Variants in SYNE1 observed in about 807,000 individuals in gnomAD.
SYNE1 encodes spectrin repeat containing nuclear envelope protein 1, also known as nesprin-1.
A neutral mutation model predicts 1,111.0 loss-of-function variants in SYNE1; 616 were observed. That is an observed-to-expected ratio of 0.55 (90% CI 0.52 to 0.59). SYNE1 has a LOEUF of 0.59. Ranked by LOEUF, SYNE1 falls within the 20% of genes least tolerant of loss-of-function variation. The pLI is 0.00. For missense variants in SYNE1, 10,006 were observed against 10,417.0 expected, an observed-to-expected ratio of 0.96 and a Z score of 1.72; for synonymous variants, 3,855 against 3,825.8, an observed-to-expected ratio of 1.01 and a Z score of -0.28.
intron 73 of SYNE1, among the ~76,000 whole-genome samples, chr6:152,346,713 A>G (rs547640099): frequency 5.8e-4 from 87 of 150,164 alleles, no homozygotes; most frequent in South Asian, 1.3e-3. Flanking sequence ...GGGAGGCTGA[A>G]GTAGGAGAAT....
chr6:152,317,907 G>A (rs1281542246), intron 86 of SYNE1, among the ~76,000 whole-genome samples, 174 bp downstream of exon 86: 1 of 152,090 alleles, frequency 6.6e-6, no homozygotes, highest in African/African-American at 2.4e-5. Context: ...AGTAAGTGCT[G>A]GTTTATACCT....
At chr6:152,324,964 T>C (rs1193057276) in intron 81 of SYNE1, 120 bp downstream of exon 81, 1 of 1,219,844 alleles carries the variant, frequency 8.2e-7, no homozygotes, top group Non-Finnish European at 1.2e-6. Context: ...CTGAAACAGA[T>C]TTTAAAAAGC....
intron 122 of SYNE1, among the ~76,000 whole-genome samples, chr6:152,214,124 C>G (rs894153710): frequency 1.2e-4 from 18 of 150,866 alleles, no homozygotes; most frequent in African/African-American, 4.4e-4. Context: ...TTGCTTGAAC[C>G]CAACATTGCA....
At chr6:152,152,752 T>C (rs568718907) in intron 133 of SYNE1, among the ~76,000 whole-genome samples, 3 of 152,368 alleles carry the variant, frequency 2.0e-5, no homozygotes, top group African/African-American at 4.8e-5. Flanking sequence ...CAAGTAACTT[T>C]ATATTTTAAA....
chr6:152,588,045 T>C (rs1490963160), intron 3 of SYNE1, among the ~76,000 whole-genome samples: 2 of 152,200 alleles, frequency 1.3e-5, no homozygotes, highest in Admixed American at 6.5e-5. Context: ...ATCTTAGACA[T>C]AGATGCCGTA....
At chr6:152,301,657 G>T (rs978586743) in intron 92 of SYNE1, among the ~76,000 whole-genome samples, 1 of 152,164 alleles carries the variant, frequency 6.6e-6, no homozygotes, top group African/African-American at 2.4e-5. Context: ...CAGCTGTCTC[G>T]AGCACATAGT....
At chr6:152,552,927 C>G (rs2099352605) in intron 3 of SYNE1, among the ~76,000 whole-genome samples, 1 of 152,132 alleles carries the variant, frequency 6.6e-6, no homozygotes, top group Admixed American at 6.6e-5. Flanking sequence ...GTGGATGTCA[C>G]AAATAAATTT....
intron 113 of SYNE1, among the ~76,000 whole-genome samples, chr6:152,231,826 T>G (rs1242765323): frequency 6.6e-6 from 1 of 151,812 alleles, no homozygotes; most frequent in Non-Finnish European, 1.5e-5. Context: ...AGGTAGAAGA[T>G]TTAGAACTAG....
chr6:152,204,996 T>C (rs1248669018), intron 126 of SYNE1, among the ~76,000 whole-genome samples: 1 of 152,194 alleles, frequency 6.6e-6, no homozygotes, highest in Non-Finnish European at 1.5e-5. Flanking sequence ...GCATATTACA[T>C]TACTGATGAA....
intron 131 of SYNE1, among the ~76,000 whole-genome samples, chr6:152,159,096 C>T (rs1215300089): frequency 9.9e-5 from 15 of 152,232 alleles, no homozygotes; most frequent in African/African-American, 2.9e-4. Flanking sequence ...GGACTACAGG[C>T]GCGCACCACC....
At position 152,391,580 on chromosome 6, in the gene SYNE1, GAAAAA is replaced by G. The variant is rs756232172; in HGVS notation, c.7713-17_7713-13del. The G allele has an allele frequency of 3.7e-6, 5 of 1,337,108 alleles. No individual in the cohort carries two copies. Among genetic ancestry groups the G allele is most frequent in the South Asian group, 1.4e-5 (1 of 72,182 alleles). 82.8% of individuals were successfully genotyped at this position (1,337,108 alleles called of 1,614,324 possible). A position where few individuals can be genotyped will look rare whatever the true frequency, so the allele number is the denominator to read the frequency against. On this transcript the variant is annotated splice_polypyrimidine_tract_variant and intron_variant, in intron 51 of 145. Coordinates refer to ENST00000367255, the MANE Select transcript of SYNE1 (RefSeq NM_182961.4). ...TATCAAGAGACTCTCTGAAAAAAAG[GAAAAA>G]AAAAAAAAAGAAAAAAAATTAATTC...
intron 91 of SYNE1, among the ~76,000 whole-genome samples, chr6:152,307,653 C>T (rs2095419995): frequency 6.6e-6 from 1 of 152,076 alleles, no homozygotes; most frequent in African/African-American, 2.4e-5. Context: ...AAGGAGTGGT[C>T]AAGTCCTAAG....
intron 145 of SYNE1, among the ~76,000 whole-genome samples, chr6:152,129,827 T>C (rs1031996195): frequency 6.6e-6 from 1 of 152,072 alleles, no homozygotes; most frequent in Non-Finnish European, 1.5e-5. Context: ...TGGTGATAAG[T>C]TTCCAGAGGG....
chr6:152,591,574 A>G (rs2128519227), intron 3 of SYNE1, among the ~76,000 whole-genome samples: 1 of 152,290 alleles, frequency 6.6e-6, no homozygotes, highest in East Asian at 1.9e-4. Flanking sequence ...ACAACCTAGG[A>G]AATATTCTTC....
In SYNE1 at chr6:152,425,392, G is replaced by A. The variant is rs587780469; in HGVS notation, c.5256C>T (p.Ile1752=). Residue 1752 remains isoleucine, a synonymous_variant, in exon 39 of 146, where the codon ATC becomes ATT. Coordinates refer to ENST00000367255, the MANE Select transcript of SYNE1 (RefSeq NM_182961.4). ...LDERWRDLPQ[I]INKRINFLQS... ...CTTTTAGAACCAACCTTTTGTTAATGATCTGTGGTAAATCTCTCCATCTCT... is the reference window on the plus strand; with the variant it reads ...CTTTTAGAACCAACCTTTTGTTAATAATCTGTGGTAAATCTCTCCATCTCT... 1.2e-6 allele frequency: 2 copies of A among 1,614,056 alleles called. No individual in the cohort carries two copies. The highest frequency in any genetic ancestry group is 1.1e-5 in the South Asian group (1 of 91,066).
chr6:152,206,794 G>A (rs116503193), intron 125 of SYNE1, among the ~76,000 whole-genome samples: 1,587 of 152,284 alleles, frequency 0.01, 32 homozygotes, highest in African/African-American at 0.036. Context: ...AAATGAGGAT[G>A]CGCACATTCA....
At chr6:152,469,655 G>C (rs769227948) in intron 16 of SYNE1, among the ~76,000 whole-genome samples, 1 of 152,098 alleles carries the variant, frequency 6.6e-6, no homozygotes, top group Non-Finnish European at 1.5e-5. Context: ...CAATGATTTG[G>C]TCTGTTAAGT....
At chr6:152,220,064 T>C (rs2079772951) in intron 119 of SYNE1, among the ~76,000 whole-genome samples, 1 of 152,208 alleles carries the variant, frequency 6.6e-6, no homozygotes, top group Non-Finnish European at 1.5e-5. Context: ...ACACAAATTA[T>C]GTGGATGAAA....
chr6:152,328,323 G>T (rs914014532), intron 78 of SYNE1, among the ~76,000 whole-genome samples: 22 of 151,922 alleles, frequency 1.4e-4, no homozygotes, highest in African/African-American at 5.3e-4. Context: ...TGGAGAAAAT[G>T]GGCCAAGAAG....
Sources: gnomAD v4.1 joint callset for allele counts (sites outside exome capture counted in the v4.1 genomes callset) on GRCh38, gnomAD v4.1.1 for gene constraint, MANE v1.5 for transcripts, NCBI Gene and HGNC (gene_info 2026-07-23, HGNC 2026-07-21) for gene names.